The following RB1CC1 variants were observed in gnomAD, a reference collection of about 807,000 sequenced individuals.
RB1CC1 encodes RB1 inducible coiled-coil 1.
In RB1CC1, 46 loss-of-function variants were observed where a neutral mutation model predicts 177.5. That is an observed-to-expected ratio of 0.26 (90% confidence interval 0.20 to 0.33). The LOEUF (loss-of-function observed/expected upper bound fraction) is 0.33. RB1CC1 is among the 10% of genes least tolerant of loss of function. The probability of loss-of-function intolerance (pLI) is 1.00; values close to 1 mark genes in which losing one functional copy is unlikely to be tolerated. For synonymous variants in RB1CC1, 666 were observed against 613.6 expected, an observed-to-expected ratio of 1.09 and a Z score of -1.26; for missense variants, 1,703 against 1,816.3, an observed-to-expected ratio of 0.94 and a Z score of 1.13.
intron 1 of RB1CC1, among the ~76,000 whole-genome samples, chr8:52,703,956 C>T (rs1856326452): frequency 6.6e-6 from 1 of 152,112 alleles, no homozygotes; most frequent in Non-Finnish European, 1.5e-5. Context: ...AGACTGTATA[C>T]TTTATGTTAC....
intron 5 of RB1CC1, among the ~76,000 whole-genome samples, chr8:52,678,732 C>T (rs577508837): frequency 6.6e-6 from 1 of 152,218 alleles, no homozygotes; most frequent in Non-Finnish European, 1.5e-5. Context: ...AAAGAAATAT[C>T]TTTACAGGTA....
chr8:52,696,737 T>C (rs558154907), intron 1 of RB1CC1, among the ~76,000 whole-genome samples: 9 of 152,194 alleles, frequency 5.9e-5, no homozygotes, highest in Non-Finnish European at 1.3e-4. Context: ...GCACAGTGGC[T>C]CATGCCTGTA....
At position 52,657,322 on chromosome 8, in the gene RB1CC1, G is replaced by A; in HGVS notation, c.2507C>T (p.Ser836Leu). The change falls in exon 15 of 24, where the codon TCA becomes TTA. Residue 836 changes from serine to leucine, a missense_variant. Ser to Leu is a moderately radical substitution (Grantham distance 145). Around this residue, in one of 6 missense-constraint regions of RB1CC1, gnomAD observed 1,169 missense variants for 1,184.7 expected, o/e 0.99. Transcript: ENST00000025008. ...TATTTCTACTGCTGTACATTTTAAT[G>A]AATTTGAGAAGTCACACTGTTCTTT... ...VQKEQCDFSN[S>L]LKCTAVEIRN... The A allele has an allele frequency of 6.2e-7, 1 of 1,612,826 alleles. No homozygotes were observed. The highest frequency in any genetic ancestry group is 8.5e-7 in the Non-Finnish European group (1 of 1,179,036).
In RB1CC1 at chr8:52,657,086, A is replaced by G; in HGVS notation, c.2743T>C (p.Leu915=). 1.2e-6 allele frequency: 2 copies of G among 1,610,942 alleles called. No individual in the cohort carries two copies. The highest frequency in any genetic ancestry group is 1.7e-6 in the Non-Finnish European group (2 of 1,179,162). ...VLQNKDNEFA[L]VKHEKEAVIC... The stretch of plus-strand genomic sequence containing the variant: ...ACAGCTTCTTTTTCATGTTTAACCA[A>G]AGCAAATTCATTATCTTTATTTTGT... Residue 915 remains leucine (L), a synonymous_variant, in exon 15 of 24, where the codon TTG becomes CTG. Transcript: ENST00000025008.
At position 52,629,557 on chromosome 8, in the gene RB1CC1, G is replaced by T. The variant is rs554407650; in HGVS notation, c.4499+913C>A. ...GTTCAGGCCATGACAAAAGGCAGGGGTTGGACTTGCCTCATCATGTCCTCT... is the reference window on the plus strand; with the variant it reads ...GTTCAGGCCATGACAAAAGGCAGGGTTTGGACTTGCCTCATCATGTCCTCT... On this transcript the variant is annotated intron_variant, in intron 21 of 23. Transcript: ENST00000025008. 5.6e-3 allele frequency among the ~76,000 whole-genome samples: 855 copies of T among 152,250 alleles called. 6 individuals carry two copies. Among genetic ancestry groups the T allele is most frequent in the African/African-American group, 0.02 (820 of 41,542 alleles).
Position 52,656,683 on chromosome 8 carries a change from TTGAG to T in RB1CC1, c.3142_3145del (p.Leu1048ArgfsTer12). ...TCTCGTGTCTGACAAATCAGAAACCTTGAGTTTTAATTCCTGTAACTGTTTTTCT... is the reference window on the plus strand; with the variant it reads ...TCTCGTGTCTGACAAATCAGAAACCTTTTTAATTCCTGTAACTGTTTTTCT... On this transcript the variant is annotated frameshift_variant, in exon 15 of 24. Coordinates refer to ENST00000025008, the MANE Select transcript of RB1CC1 (RefSeq NM_014781.5). LOFTEE classifies it high-confidence loss of function. 6.2e-7 allele frequency: 1 copy of T among 1,613,900 alleles called. No homozygotes were observed. Among genetic ancestry groups the T allele is most frequent in the East Asian group, 2.2e-5 (1 of 44,856 alleles).
chr8:52,671,170 T>C (rs1173516983), intron 7 of RB1CC1, among the ~76,000 whole-genome samples: 1 of 152,186 alleles, frequency 6.6e-6, no homozygotes, highest in Non-Finnish European at 1.5e-5. Context: ...TGAATCTCAA[T>C]GCCCAGATTT....
chr8:52,683,678 T>A lies in RB1CC1; in HGVS notation c.240A>T (p.Leu80Phe). The A allele has an allele frequency of 6.2e-7, 1 of 1,603,880 alleles. No homozygotes were observed. The highest frequency in any genetic ancestry group is 8.5e-7 in the Non-Finnish European group (1 of 1,176,600). Residue 80 changes from leucine to phenylalanine, a missense_variant, in exon 5 of 24, where the codon TTA becomes TTT. By Grantham distance (22) the Leu-to-Phe change is conservative (BLOSUM62 0). Around this residue, in one of 6 missense-constraint regions of RB1CC1, gnomAD observed 118 missense variants for 121.2 expected, o/e 0.97. Coordinates refer to ENST00000025008, the MANE Select transcript of RB1CC1 (RefSeq NM_014781.5). Reference sequence around the variant, plus strand: ...TAGGAATAGCAGGTGGACGATCACATAAGATCATTTCTTTGTTAAAAAGAA... The same window carrying A: ...TAGGAATAGCAGGTGGACGATCACAAAAGATCATTTCTTTGTTAAAAAGAA... ...PIFLFNKEMI[L>F]CDRPPAIPKT... is the part of the protein sequence containing the mutation.
chr8:52,670,334 G>GTTT (rs1852454654), intron 7 of RB1CC1, among the ~76,000 whole-genome samples: 1 of 152,134 alleles, frequency 6.6e-6, no homozygotes, highest in Non-Finnish European at 1.5e-5. Context: ...GTAAACCACA[G>GTTT]AATCTCATTA....
chr8:52,696,448 G>A (rs1855420992), intron 1 of RB1CC1, among the ~76,000 whole-genome samples: 1 of 152,072 alleles, frequency 6.6e-6, no homozygotes, highest in African/African-American at 2.4e-5. Flanking sequence ...ATGCCATAAA[G>A]CAAGACAGCT....
intron 14 of RB1CC1, 29 bp downstream of exon 14, chr8:52,657,969 A>C (rs12708142): frequency 6.2e-7 from 1 of 1,613,478 alleles, no homozygotes; most frequent in East Asian, 2.2e-5. Context: ...ACACTAATGA[A>C]GAAAACTGTT....
chr8:52,647,107 CAAG>C (rs967417302), intron 15 of RB1CC1, among the ~76,000 whole-genome samples: 18 of 152,188 alleles, frequency 1.2e-4, no homozygotes, highest in African/African-American at 3.6e-4. Context: ...AATTATATGA[CAAG>C]AATACACTAT....
At chr8:52,655,780 T>C (rs113205502) in intron 15 of RB1CC1, among the ~76,000 whole-genome samples, 2 of 152,124 alleles carry the variant, frequency 1.3e-5, no homozygotes, top group Non-Finnish European at 2.9e-5. Flanking sequence ...ACAAAAAATT[T>C]CTCTGAAAAT....
At position 52,674,135 on chromosome 8, in the gene RB1CC1, T is replaced by C. The variant is rs1357807325; in HGVS notation, c.712A>G (p.Thr238Ala). 1 of 1,614,124 alleles carries C rather than the reference T, an allele frequency of 6.2e-7. No individual in the cohort carries two copies. The highest frequency in any genetic ancestry group is 8.5e-7 in the Non-Finnish European group (1 of 1,179,974). ...ATATCAGGAGAGAGCACCAGTTCAG[T>C]GGATCTTTTCATCTCAGCTTTTTCT... The part of the protein sequence containing the change: ...DSEKAEMKRS[T>A]ELVLSPDMPR... The change falls in exon 7 of 24, where the codon ACT (threonine) becomes GCT (alanine). Residue 238 changes from threonine (T) to alanine (A), a missense_variant. Physicochemically the swap from Thr to Ala is moderately conservative, Grantham distance 58. Transcript: ENST00000025008.
At chr8:52,666,440 C>T (rs1412659729) in intron 8 of RB1CC1, among the ~76,000 whole-genome samples, 1 of 151,858 alleles carries the variant, frequency 6.6e-6, no homozygotes, top group Non-Finnish European at 1.5e-5. Flanking sequence ...ATCGCTTGCA[C>T]CCAGGAGGCA....
chr8:52,632,311 C>T (rs1848819865), intron 20 of RB1CC1, among the ~76,000 whole-genome samples: 1 of 152,124 alleles, frequency 6.6e-6, no homozygotes, highest in Non-Finnish European at 1.5e-5. Flanking sequence ...TTTATTAAGT[C>T]AAATTTTGAT....
chr8:52,660,447 C>G, intron 12 of RB1CC1, 149 bp downstream of exon 12: 1 of 700,052 alleles, frequency 1.4e-6, no homozygotes, highest in Non-Finnish European at 2.4e-6. Context: ...AAGCTTTATG[C>G]TAACTGGCTT....
At chr8:52,705,605 T>C (rs993407665) in intron 1 of RB1CC1, among the ~76,000 whole-genome samples, 1 of 152,200 alleles carries the variant, frequency 6.6e-6, no homozygotes, top group Non-Finnish European at 1.5e-5. Context: ...ATGAAACAAG[T>C]GTACAAAGGT....
intron 16 of RB1CC1, among the ~76,000 whole-genome samples, chr8:52,645,026 AT>A (rs1450863015): frequency 6.6e-6 from 1 of 152,176 alleles, no homozygotes; most frequent in Non-Finnish European, 1.5e-5. Flanking sequence ...AAATCTAATT[AT>A]GCCATTGTAA....
Sources: allele counts gnomAD v4.1 joint callset (sites outside exome capture counted in the v4.1 genomes callset), GRCh38; gene constraint gnomAD v4.1.1; regional missense constraint gnomAD v4.1.1; transcripts MANE v1.5; gene names NCBI Gene and HGNC (gene_info 2026-07-23, HGNC 2026-07-21).